Variants in KIAA1217 observed in about 807,000 individuals in gnomAD.
KIAA1217 encodes the protein KIAA1217.
Under a neutral mutation model 163.9 loss-of-function variants are expected in KIAA1217, and 88 were observed. The observed-to-expected ratio is 0.54, with a 90% CI of 0.45 to 0.64. The LOEUF (loss-of-function observed/expected upper bound fraction) is 0.64, where lower values mean the gene tolerates loss of function less well. Ranked by LOEUF, KIAA1217 falls within the 30% of genes least tolerant of loss-of-function variation. The pLI is 0.00. For missense variants in KIAA1217, 2,372 were observed against 2,475.0 expected, an observed-to-expected ratio of 0.96 and a Z score of 0.88; for synonymous variants, 903 against 923.1, an observed-to-expected ratio of 0.98 and a Z score of 0.39.
chr10:24,429,663 G>T (rs1020496000), intron 3 of KIAA1217, among the ~76,000 whole-genome samples: 2 of 152,084 alleles, frequency 1.3e-5, no homozygotes, highest in African/African-American at 4.8e-5. Context: ...TCTCTTCCGA[G>T]TTTCTTTTTC....
At chr10:23,822,057 C>A (rs1837647200) in intron 1 of KIAA1217, among the ~76,000 whole-genome samples, 1 of 152,186 alleles carries the variant, frequency 6.6e-6, no homozygotes, top group East Asian at 1.9e-4. Context: ...CGGGTGCAGG[C>A]ACCACAGCTC....
chr10:23,927,323 A>AGG (rs938378470), intron 1 of KIAA1217, among the ~76,000 whole-genome samples: 5 of 110,542 alleles, frequency 4.5e-5, no homozygotes, highest in East Asian at 4.4e-4. Context: ...AGCAAGTCAT[A>AGG]GGGTGTGTGT....
intron 6 of KIAA1217, among the ~76,000 whole-genome samples, chr10:24,480,932 G>A (rs371363598): frequency 6.6e-6 from 1 of 152,048 alleles, no homozygotes; most frequent in African/African-American, 2.4e-5. Context: ...GGGTCCAGGG[G>A]CAAAAAGACA....
chr10:23,905,317 C>T (rs1307630360), intron 1 of KIAA1217, among the ~76,000 whole-genome samples: 1 of 151,902 alleles, frequency 6.6e-6, no homozygotes, highest in Non-Finnish European at 1.5e-5. Flanking sequence ...CTGCAAGTCT[C>T]CCCACTCACA....
At chr10:23,738,991 G>C (rs1317340170) in intron 1 of KIAA1217, among the ~76,000 whole-genome samples, 4 of 152,098 alleles carry the variant, frequency 2.6e-5, no homozygotes, top group Non-Finnish European at 5.9e-5. Flanking sequence ...TGCATGGGTT[G>C]CTTTTAAACT....
At chr10:24,280,569 T>C (rs1450015271) in intron 2 of KIAA1217, among the ~76,000 whole-genome samples, 1 of 152,136 alleles carries the variant, frequency 6.6e-6, no homozygotes, top group Non-Finnish European at 1.5e-5. Flanking sequence ...CCCAGCACTT[T>C]GGGAGGCGGA....
intron 5 of KIAA1217, among the ~76,000 whole-genome samples, chr10:24,445,622 C>T (rs909825656): frequency 6.8e-6 from 1 of 147,696 alleles, no homozygotes. Context: ...TAAGTGAGAA[C>T]ATGCGGTCTT....
At chr10:24,015,981 T>A (rs1327135497) in intron 2 of KIAA1217, among the ~76,000 whole-genome samples, 1 of 151,982 alleles carries the variant, frequency 6.6e-6, no homozygotes, top group Non-Finnish European at 1.5e-5. Context: ...GTATGTTCAG[T>A]TTATTTCTTA....
At chr10:23,816,262 A>G (rs982638940) in intron 1 of KIAA1217, among the ~76,000 whole-genome samples, 3 of 152,012 alleles carry the variant, frequency 2.0e-5, no homozygotes, top group Non-Finnish European at 4.4e-5. Context: ...GTAGTTTCCC[A>G]TGCTCACATT....
chr10:24,121,988 A>G (rs1341630060), intron 2 of KIAA1217, among the ~76,000 whole-genome samples: 1 of 152,114 alleles, frequency 6.6e-6, no homozygotes, highest in East Asian at 1.9e-4. Context: ...TTTGTGTTCA[A>G]TTTTTAAAAT....
At chr10:24,398,861 G>A (rs758736130) in intron 3 of KIAA1217, among the ~76,000 whole-genome samples, 9 of 152,066 alleles carry the variant, frequency 5.9e-5, no homozygotes, top group Admixed American at 4.6e-4. Flanking sequence ...AAGTCTAGTG[G>A]CCCAATTTCT....
At chr10:24,139,810 G>T (rs750863947) in intron 2 of KIAA1217, among the ~76,000 whole-genome samples, 28 of 152,236 alleles carry the variant, frequency 1.8e-4, no homozygotes, top group South Asian at 4.2e-4. Context: ...ACTACAGATA[G>T]TACCAAGTCC....
chr10:24,069,131 T>C (rs1295794347), intron 2 of KIAA1217, among the ~76,000 whole-genome samples: 1 of 152,224 alleles, frequency 6.6e-6, no homozygotes, highest in Non-Finnish European at 1.5e-5. Context: ...CAAGTGTTCA[T>C]GGGCTAGTTC....
At chr10:24,387,105 A>G (rs990167207) in intron 3 of KIAA1217, among the ~76,000 whole-genome samples, 34 of 152,302 alleles carry the variant, frequency 2.2e-4, no homozygotes, top group Admixed American at 1.6e-3. Flanking sequence ...CAACAAAAAA[A>G]GAGAATTTTA....
At chr10:24,466,349 T>C (rs2062944174) in intron 5 of KIAA1217, among the ~76,000 whole-genome samples, 1 of 152,196 alleles carries the variant, frequency 6.6e-6, no homozygotes, top group African/African-American at 2.4e-5. Flanking sequence ...TTTCCTTTGC[T>C]GTTAACCCAT....
intron 2 of KIAA1217, among the ~76,000 whole-genome samples, chr10:24,299,253 T>A (rs116774762): frequency 2.0e-5 from 3 of 152,298 alleles, no homozygotes; most frequent in African/African-American, 7.2e-5. Context: ...ATTTTGAGCC[T>A]AACAACCAAC....
chr10:23,987,270 C>T (rs11593297), intron 1 of KIAA1217, among the ~76,000 whole-genome samples: 5,794 of 149,170 alleles, frequency 0.039, 184 homozygotes, highest in African/African-American at 0.088. Flanking sequence ...CCAGCTACTC[C>T]GGAGGCTGAG....
chr10:23,762,274 C>A (rs60932035), intron 1 of KIAA1217, among the ~76,000 whole-genome samples: 485 of 151,768 alleles, frequency 3.2e-3, no homozygotes, highest in African/African-American at 0.011. Context: ...TTTTATGAAG[C>A]CAACATCATC....
intron 1 of KIAA1217, among the ~76,000 whole-genome samples, chr10:23,928,771 T>C (rs1214746229): frequency 6.6e-6 from 1 of 152,182 alleles, no homozygotes; most frequent in African/African-American, 2.4e-5. Context: ...TTCACATAAG[T>C]AGTAAAGACC....
Sources: allele counts gnomAD v4.1 joint callset (sites outside exome capture counted in the v4.1 genomes callset), GRCh38; gene constraint gnomAD v4.1.1; transcripts MANE v1.5; gene names NCBI Gene and HGNC (gene_info 2026-07-23, HGNC 2026-07-21).